Variants in RAB18 observed in about 807,000 individuals in gnomAD.
RAB18 encodes the protein ras-related protein Rab-18.
A neutral mutation model predicts 28.5 loss-of-function variants in RAB18; 10 were observed. The ratio of observed to expected loss-of-function variants is 0.35; its 90% CI spans 0.22 to 0.60. The LOEUF (loss-of-function observed/expected upper bound fraction) is 0.60. Ranked by LOEUF, RAB18 falls within the 20% of genes least tolerant of loss-of-function variation. The pLI is 0.78. For missense variants in RAB18, 188 were observed against 244.2 expected, an observed-to-expected ratio of 0.77 and a Z score of 1.53; for synonymous variants, 93 against 86.9, an observed-to-expected ratio of 1.07 and a Z score of -0.39.
intron 3 of RAB18, among the ~76,000 whole-genome samples, chr10:27,530,879 C>T (rs1296576310): frequency 1.3e-5 from 2 of 151,880 alleles, no homozygotes; most frequent in Non-Finnish European, 2.9e-5. Flanking sequence ...CATCCATATA[C>T]CGTTTCATTA....
intron 2 of RAB18, among the ~76,000 whole-genome samples, chr10:27,522,398 A>G (rs1166773496): frequency 2.0e-5 from 3 of 152,168 alleles, no homozygotes; most frequent in Non-Finnish European, 4.4e-5. Context: ...TACTATTTGT[A>G]TGGAATATCT....
intron 4 of RAB18, 24 bp downstream of exon 4, chr10:27,532,603 A>C: frequency 6.7e-7 from 1 of 1,493,710 alleles, no homozygotes. Flanking sequence ...TTAATGTACT[A>C]TTTAAAAATA....
chr10:27,509,342 T>C (rs1834278782), intron 1 of RAB18, among the ~76,000 whole-genome samples: 1 of 152,190 alleles, frequency 6.6e-6, no homozygotes, highest in Non-Finnish European at 1.5e-5. Context: ...TCCTGTGATC[T>C]TTCTTTTAAC....
chr10:27,513,679 G>T (rs1250662107), intron 2 of RAB18, among the ~76,000 whole-genome samples: 1 of 152,164 alleles, frequency 6.6e-6, no homozygotes, highest in African/African-American at 2.4e-5. Context: ...TGGAAATGTT[G>T]CCAGGAGCAG....
intron 3 of RAB18, among the ~76,000 whole-genome samples, chr10:27,531,125 A>G (rs188011644): frequency 9.9e-5 from 15 of 152,208 alleles, no homozygotes; most frequent in South Asian, 2.1e-4. Flanking sequence ...TTATCTGTTC[A>G]GAACATTTAC....
At chr10:27,532,420 T>C in intron 3 of RAB18, 87 bp from the exon 4 acceptor site, 1 of 967,852 alleles carries the variant, frequency 1.0e-6, no homozygotes. Flanking sequence ...CTATTTTTAG[T>C]AATGCTGTTT....
At position 27,540,329 on chromosome 10, in the gene RAB18, A is replaced by G. The variant is rs1834996351; in HGVS notation, c.*2278A>G. 3 of 453,990 alleles carry G rather than the reference A, an allele frequency of 6.6e-6. No individual in the cohort carries two copies. Among genetic ancestry groups the G allele is most frequent in the African/African-American group, 4.0e-5 (2 of 50,010 alleles). 28.1% of individuals were successfully genotyped at this position (453,990 alleles called of 1,614,324 possible). A position where few individuals can be genotyped will look rare whatever the true frequency, so the allele number is the denominator to read the frequency against. The stretch of plus-strand genomic sequence containing the variant: ...ATGTTAGGTAACCCCCAAAGATCAC[A>G]TAGCTACTCAGTCACTGAGCTGGAT... On this transcript the variant is annotated 3_prime_UTR_variant, in exon 7 of 7. Coordinates refer to ENST00000356940, the MANE Select transcript of RAB18 (RefSeq NM_021252.5).
chr10:27,540,578 A>G lies in RAB18; in HGVS notation c.*2527A>G, dbSNP rs1564841156. 2 of 454,002 alleles carry G rather than the reference A, an allele frequency of 4.4e-6. No individual in the cohort carries two copies. The highest frequency in any genetic ancestry group is 8.8e-6 in the Non-Finnish European group (2 of 226,788). 28.1% of individuals were successfully genotyped at this position (454,002 alleles called of 1,614,324 possible). A position where few individuals can be genotyped will look rare whatever the true frequency, so the allele number is the denominator to read the frequency against. On this transcript the variant is annotated 3_prime_UTR_variant, in exon 7 of 7. Coordinates refer to ENST00000356940, the MANE Select transcript of RAB18 (RefSeq NM_021252.5). ...CATAAGTCATGTGACATAAAAGTTA[A>G]GGTAGTGGAGTAGGTGGTCTTATTT...
intron 4 of RAB18, 133 bp downstream of exon 4, chr10:27,532,712 C>T: frequency 1.5e-6 from 1 of 669,994 alleles, no homozygotes; most frequent in Non-Finnish European, 2.6e-6. Flanking sequence ...GTTGTATTAA[C>T]TTCATGTAAT....
chr10:27,541,292 A>G lies in RAB18; in HGVS notation c.*3241A>G. 2 of 453,540 alleles carry G rather than the reference A, an allele frequency of 4.4e-6. No homozygotes were observed. The highest frequency in any genetic ancestry group is 1.6e-5 in the South Asian group (1 of 64,440). The allele number at this position is 453,540 out of a possible 1,614,324, so 28.1% of individuals were successfully genotyped here. A position where few individuals can be genotyped will look rare whatever the true frequency, so the allele number is the denominator to read the frequency against. ...GAAAGACGAGAATAAATAGACATAG[A>G]CAGGCTAGCTAAGTCAAGACTAGGG... On this transcript the variant is annotated 3_prime_UTR_variant, in exon 7 of 7. Coordinates refer to ENST00000356940, the MANE Select transcript of RAB18 (RefSeq NM_021252.5).
At chr10:27,517,341 C>T (rs561793687) in intron 2 of RAB18, among the ~76,000 whole-genome samples, 19 of 151,316 alleles carry the variant, frequency 1.3e-4, no homozygotes, top group African/African-American at 4.4e-4. Flanking sequence ...GCAGCCTGGG[C>T]GACAGAGCAA....
intron 2 of RAB18, among the ~76,000 whole-genome samples, chr10:27,514,707 A>C (rs1419864342): frequency 6.6e-6 from 1 of 152,230 alleles, no homozygotes; most frequent in African/African-American, 2.4e-5. Flanking sequence ...ATGTAGTACA[A>C]GATAACATTT....
intron 6 of RAB18, among the ~76,000 whole-genome samples, chr10:27,536,232 A>G (rs1313220453): frequency 6.6e-6 from 1 of 152,204 alleles, no homozygotes; most frequent in African/African-American, 2.4e-5. Flanking sequence ...TCACTTTGAC[A>G]TAAGAATGAG....
chr10:27,507,918 C>T (rs923403936), intron 1 of RAB18, among the ~76,000 whole-genome samples: 3 of 151,552 alleles, frequency 2.0e-5, no homozygotes, highest in African/African-American at 7.3e-5. Context: ...TGATGCACAC[C>T]TGTCATGCCA....
intron 2 of RAB18, among the ~76,000 whole-genome samples, chr10:27,519,614 G>A (rs571304854): frequency 2.0e-5 from 3 of 152,140 alleles, no homozygotes; most frequent in Non-Finnish European, 4.4e-5. Flanking sequence ...TAAATTTACC[G>A]AAATTTGTCA....
intron 1 of RAB18, among the ~76,000 whole-genome samples, chr10:27,506,131 G>T (rs944876088): frequency 2.0e-5 from 3 of 151,972 alleles, no homozygotes; most frequent in African/African-American, 7.3e-5. Context: ...TTGAGATATC[G>T]TTCTCATTTA....
intron 6 of RAB18, 103 bp downstream of exon 6, chr10:27,534,097 A>G: frequency 8.7e-7 from 1 of 1,150,720 alleles, no homozygotes; most frequent in Non-Finnish European, 1.3e-6. Flanking sequence ...ATGTGTTTAG[A>G]GTATTGTTCC....
chr10:27,535,092 G>T (rs1217219392), intron 6 of RAB18, among the ~76,000 whole-genome samples: 1 of 152,108 alleles, frequency 6.6e-6, no homozygotes, highest in African/African-American at 2.4e-5. Flanking sequence ...ACTGGAGTGG[G>T]GACTGCTTAG....
chr10:27,521,809 G>A (rs1204354008), intron 2 of RAB18, among the ~76,000 whole-genome samples: 1 of 151,716 alleles, frequency 6.6e-6, no homozygotes, highest in African/African-American at 2.4e-5. Context: ...ACTTATCCAT[G>A]TAACCACATA....
Sources: allele counts gnomAD v4.1 joint callset (sites outside exome capture counted in the v4.1 genomes callset), GRCh38; gene constraint gnomAD v4.1.1; transcripts MANE v1.5; gene names NCBI Gene and HGNC (gene_info 2026-07-23, HGNC 2026-07-21).